RNLS: variants seen among roughly 807,000 people sequenced by gnomAD.
The protein encoded by RNLS is renalase, FAD dependent amine oxidase.
A neutral mutation model predicts 39.8 loss-of-function variants in RNLS; 39 were observed. The ratio of observed to expected loss-of-function variants is 0.98; its 90% CI spans 0.76 to 1.28. RNLS has a LOEUF of 1.28. Among genes scored for constraint, RNLS ranks in the 50% most tolerant of loss-of-function variants. The probability of loss-of-function intolerance (pLI) is 0.00; values close to 1 mark genes in which losing one functional copy is unlikely to be tolerated. For missense variants in RNLS, 410 were observed against 413.3 expected, an observed-to-expected ratio of 0.99 and a Z score of 0.07; for synonymous variants, 147 against 150.7, an observed-to-expected ratio of 0.98 and a Z score of 0.18.
chr10:88,201,694 CAA>C, the RNLS span, among the ~76,000 whole-genome samples: 1,626 of 146,792 alleles, frequency 0.011, 21 homozygotes, highest in African/African-American at 0.033. Flanking sequence ...AATTGTGAGC[CAA>C]AAAAAAAAAA....
chr10:88,231,861 C>T, the RNLS span, among the ~76,000 whole-genome samples: 1 of 151,456 alleles, frequency 6.6e-6, no homozygotes, highest in African/African-American at 2.4e-5. Flanking sequence ...AATTAAACAA[C>T]AAAAAAAATT....
At chr10:88,392,745 A>G (rs929501468) in intron 4 of RNLS, among the ~76,000 whole-genome samples, 6 of 152,220 alleles carry the variant, frequency 3.9e-5, no homozygotes, top group Non-Finnish European at 8.8e-5. Context: ...AAAAATTAGG[A>G]GACATTCAAA....
At chr10:88,224,380 A>T in the RNLS span, among the ~76,000 whole-genome samples, 1 of 152,188 alleles carries the variant, frequency 6.6e-6, no homozygotes, top group Admixed American at 6.5e-5. Flanking sequence ...AATTTGGAGG[A>T]CGCATTCAGA....
At chr10:88,535,533 G>A (rs903237511) in intron 4 of RNLS, among the ~76,000 whole-genome samples, 3 of 151,902 alleles carry the variant, frequency 2.0e-5, no homozygotes. Flanking sequence ...AACCACCATG[G>A]CACACGTTTA....
chr10:88,198,680 C>A, the RNLS span, among the ~76,000 whole-genome samples: 24 of 152,154 alleles, frequency 1.6e-4, no homozygotes, highest in East Asian at 2.1e-3. Context: ...GCACCTCCCC[C>A]TTCTCTTTCT....
chr10:88,395,480 G>A (rs528335939), intron 4 of RNLS, among the ~76,000 whole-genome samples: 1 of 152,010 alleles, frequency 6.6e-6, no homozygotes, highest in South Asian at 2.1e-4. Flanking sequence ...TACTAGAGGG[G>A]CTCGATAGAA....
At chr10:88,265,493 G>A in the RNLS span, among the ~76,000 whole-genome samples, 4 of 151,802 alleles carry the variant, frequency 2.6e-5, no homozygotes, top group African/African-American at 9.7e-5. Flanking sequence ...CATGGGATGT[G>A]TTTCCATTTG....
intron 4 of RNLS, among the ~76,000 whole-genome samples, chr10:88,446,497 A>C (rs1267630505): frequency 6.6e-6 from 1 of 152,210 alleles, no homozygotes; most frequent in Non-Finnish European, 1.5e-5. Flanking sequence ...AGACACAAAA[A>C]ACCCTTCAAA....
the RNLS span, among the ~76,000 whole-genome samples, chr10:88,227,366 A>G: frequency 1.3e-5 from 2 of 152,234 alleles, no homozygotes; most frequent in African/African-American, 4.8e-5. Flanking sequence ...CACTATAATG[A>G]GGTAAAGACA....
In RNLS at chr10:88,503,967, C is replaced by T. The variant is rs182853059; in HGVS notation, c.526+68936G>A. ...GGAAGATAGCTACCATGTCAGAAAG[C>T]AGCCCTGGAGAGAGGGAAGCCAACT... On this transcript the variant is annotated intron_variant, in intron 4 of 6. Coordinates refer to ENST00000331772, the MANE Select transcript of RNLS (RefSeq NM_001031709.3). Among the ~76,000 whole-genome samples, 358 of 152,250 alleles carry T rather than the reference C, an allele frequency of 2.4e-3. 2 individuals carry two copies. The highest frequency in any genetic ancestry group is 8.0e-3 in the African/African-American group (333 of 41,566).
chr10:88,236,689 A>G, the RNLS span, among the ~76,000 whole-genome samples: 6 of 152,216 alleles, frequency 3.9e-5, no homozygotes, highest in Non-Finnish European at 7.3e-5. Context: ...ATAATCATTC[A>G]TTTATTGAAC....
At chr10:88,231,700 A>G in the RNLS span, among the ~76,000 whole-genome samples, 1 of 152,156 alleles carries the variant, frequency 6.6e-6, no homozygotes, top group African/African-American at 2.4e-5. Flanking sequence ...CCACTGGCAA[A>G]TAAGCAAGTT....
intron 6 of RNLS, among the ~76,000 whole-genome samples, chr10:88,297,764 C>T (rs1429456454): frequency 6.6e-6 from 1 of 152,032 alleles, no homozygotes; most frequent in African/African-American, 2.4e-5. Context: ...GGGATGTTTC[C>T]ACTTGTGGCT....
At chr10:88,230,844 A>G in the RNLS span, among the ~76,000 whole-genome samples, 3 of 152,382 alleles carry the variant, frequency 2.0e-5, no homozygotes, top group African/African-American at 7.2e-5. Context: ...TACAATTATT[A>G]GTACCAATTA....
intron 6 of RNLS, among the ~76,000 whole-genome samples, chr10:88,294,139 C>T (rs766333254): frequency 2.6e-5 from 4 of 152,070 alleles, no homozygotes; most frequent in Non-Finnish European, 4.4e-5. Flanking sequence ...AGAGTGAATG[C>T]GGTTCATATT....
the RNLS span, among the ~76,000 whole-genome samples, chr10:88,249,152 G>T: frequency 6.6e-6 from 1 of 152,184 alleles, no homozygotes; most frequent in African/African-American, 2.4e-5. Context: ...GAAAGAGAAA[G>T]AAACAATTAT....
intron 4 of RNLS, among the ~76,000 whole-genome samples, chr10:88,485,291 G>A (rs2134036780): frequency 6.6e-6 from 1 of 151,992 alleles, no homozygotes; most frequent in South Asian, 2.1e-4. Flanking sequence ...ATAGAGTAGA[G>A]AGTCCGGAAA....
chr10:88,464,180 T>C (rs1239339081), intron 4 of RNLS, among the ~76,000 whole-genome samples: 3 of 152,086 alleles, frequency 2.0e-5, no homozygotes, highest in Admixed American at 2.0e-4. Flanking sequence ...AAATAGCTAA[T>C]ATCCATGCAT....
the RNLS span, among the ~76,000 whole-genome samples, chr10:88,245,256 T>A: frequency 6.6e-6 from 1 of 152,182 alleles, no homozygotes; most frequent in African/African-American, 2.4e-5. Context: ...TCCCTAATGA[T>A]CACAAATAGT....
Sources: allele counts gnomAD v4.1 joint callset (sites outside exome capture counted in the v4.1 genomes callset), GRCh38; gene constraint gnomAD v4.1.1; transcripts MANE v1.5; gene names NCBI Gene and HGNC (gene_info 2026-07-23, HGNC 2026-07-21).